Variants in DRGX observed in about 807,000 individuals in gnomAD.
DRGX encodes dorsal root ganglia homeobox.
DRGX carries 21 observed loss-of-function variants against 28.6 expected under a neutral mutation model. The observed-to-expected ratio is 0.73, with a 90% CI of 0.52 to 1.06. The LOEUF (loss-of-function observed/expected upper bound fraction) is 1.06, where lower values mean the gene tolerates loss of function less well. DRGX is among the 50% of genes least tolerant of loss of function. The pLI is 0.00. For missense variants in DRGX, 354 were observed against 343.9 expected (o/e 1.03, Z -0.23); for synonymous variants, 136 against 139.1 (o/e 0.98, Z 0.16).
rs561177476 is a variant in DRGX, at chr10:49,366,460, G to A, written c.527-79C>T. ...GGCTGGGTGACAGGAAACGATCTGA[G>A]TTCTGAAGGACAGAAAGATTGATTC... is the stretch of plus-strand genomic sequence containing the variant. On this transcript the variant is annotated intron_variant, in intron 6 of 6. Coordinates refer to ENST00000374139, the MANE Select transcript of DRGX (RefSeq NM_001276451.2). The A allele has an allele frequency of 6.0e-6, 9 of 1,510,942 alleles. No homozygotes were observed. The South Asian group carries it at 9.3e-5, about 16-fold the overall frequency. The allele number at this position is 1,510,942 out of a possible 1,614,324, so 93.6% of individuals were successfully genotyped here.
At position 49,386,817 on chromosome 10, in the gene DRGX, C is replaced by T. The variant is rs560700316; in HGVS notation, c.276G>A (p.Glu92=). ...QNRRAKWRKT[E]RGASDQEPGA... is the part of the protein sequence containing the mutation. The stretch of plus-strand genomic sequence containing the variant: ...CTGGCTCCTGGTCTGAGGCCCCTCT[C>T]TCTGTCTTCCTCCATTTGGCCCTTC... Residue 92 remains glutamate, a synonymous_variant, in exon 5 of 7, where the codon GAG becomes GAA. Transcript: ENST00000374139. The T allele has an allele frequency of 1.9e-6, 3 of 1,590,764 alleles. No individual in the cohort carries two copies. The highest frequency in any genetic ancestry group is 2.3e-5 in the South Asian group (2 of 86,914).
Position 49,364,603 on chromosome 10 carries a change from C to T in DRGX, c.*1513G>A, listed in dbSNP as rs770958501. The T allele has an allele frequency of 1.3e-5, 2 of 152,142 alleles. No individual in the cohort carries two copies. Among genetic ancestry groups the T allele is most frequent in the Admixed American group, 6.5e-5 (1 of 15,284 alleles). The allele number at this position is 152,142 out of a possible 1,614,324, so 9.4% of individuals were successfully genotyped here. On this transcript the variant is annotated 3_prime_UTR_variant, in exon 7 of 7. Transcript: ENST00000374139. The stretch of plus-strand genomic sequence containing the variant: ...TACAGGGAAACGGAAGCAACTTTGC[C>T]GCTTTTTGGCAAATCGTTTCATCTT...
At chr10:49,373,559 G>A (rs1185098102) in intron 6 of DRGX, among the ~76,000 whole-genome samples, 2 of 152,130 alleles carry the variant, frequency 1.3e-5, no homozygotes, top group African/African-American at 4.8e-5. Flanking sequence ...AGGGACTAAT[G>A]TCCTTACGTA....
At chr10:49,386,311 C>G (rs553577945) in intron 6 of DRGX, among the ~76,000 whole-genome samples, 167 bp downstream of exon 6, 1 of 152,284 alleles carries the variant, frequency 6.6e-6, no homozygotes, top group East Asian at 1.9e-4. Context: ...AGGAAGCAAT[C>G]AAGATAGCAC....
At position 49,365,153 on chromosome 10, in the gene DRGX, A is replaced by G. The variant is rs1458861557; in HGVS notation, c.*963T>C. On this transcript the variant is annotated 3_prime_UTR_variant, in exon 7 of 7. Coordinates refer to ENST00000374139, the MANE Select transcript of DRGX (RefSeq NM_001276451.2). ...CTTTCCTACTTTTTTTTCCCCAGTA[A>G]AAAACCACCACCACTGAAGAGCCCC... is the stretch of plus-strand genomic sequence containing the variant. 6.6e-6 allele frequency: 1 copy of G among 152,220 alleles called. No individual in the cohort carries two copies. The highest frequency in any genetic ancestry group is 2.4e-5 in the African/African-American group (1 of 41,418). 9.4% of individuals were successfully genotyped at this position (152,220 alleles called of 1,614,324 possible). A position where few individuals can be genotyped will look rare whatever the true frequency, so the allele number is the denominator to read the frequency against.
chr10:49,367,168 C>T (rs1256426231), intron 6 of DRGX, among the ~76,000 whole-genome samples: 1 of 152,090 alleles, frequency 6.6e-6, no homozygotes, highest in East Asian at 1.9e-4. Flanking sequence ...CCAGCATGGG[C>T]AACATAGTGA....
At chr10:49,387,925 C>A (rs2132483942) in intron 4 of DRGX, among the ~76,000 whole-genome samples, 1 of 152,234 alleles carries the variant, frequency 6.6e-6, no homozygotes, top group Middle Eastern at 3.4e-3. Flanking sequence ...AACTGTGATT[C>A]AAACTGTTTG....
intron 2 of DRGX, among the ~76,000 whole-genome samples, chr10:49,393,142 C>T (rs34514600): frequency 1.4e-4 from 21 of 151,716 alleles, no homozygotes; most frequent in African/African-American, 1.9e-4. Context: ...TGAAAACAAC[C>T]AAAATGCCCA....
intron 6 of DRGX, among the ~76,000 whole-genome samples, chr10:49,383,102 T>A (rs1849795407): frequency 1.3e-5 from 2 of 151,778 alleles, no homozygotes; most frequent in African/African-American, 4.8e-5. Context: ...TCAGAAGACC[T>A]CACTTCCAGA....
intron 6 of DRGX, among the ~76,000 whole-genome samples, 177 bp downstream of exon 6, chr10:49,386,301 A>C (rs1849833249): frequency 6.6e-6 from 1 of 152,192 alleles, no homozygotes; most frequent in Admixed American, 6.5e-5. Context: ...GGACGCATGT[A>C]GGAAGCAATC....
chr10:49,373,403 G>A lies in DRGX; in HGVS notation c.527-7022C>T, dbSNP rs760794503. On this transcript the variant is annotated intron_variant, in intron 6 of 6. Coordinates refer to ENST00000374139, the MANE Select transcript of DRGX (RefSeq NM_001276451.2). ...TGAATACATTTTGGAATATATATGCGTGTGTATAAAACATACACATGCGAT... is the reference window on the plus strand; with the variant it reads ...TGAATACATTTTGGAATATATATGCATGTGTATAAAACATACACATGCGAT... 4.6e-5 allele frequency among the ~76,000 whole-genome samples: 7 copies of A among 152,262 alleles called. No individual in the cohort carries two copies. The East Asian group carries it at 9.6e-4, about 21-fold the overall frequency.
chr10:49,391,454 C>T (rs965992661), intron 2 of DRGX, among the ~76,000 whole-genome samples, 193 bp from the exon 3 acceptor site: 5 of 152,138 alleles, frequency 3.3e-5, no homozygotes, highest in Non-Finnish European at 7.3e-5. Flanking sequence ...ACTTTAAATC[C>T]AGGTATCCCT....
rs574253603 is a variant in DRGX at position 49,365,388 on chromosome 10, A to G, written c.*728T>C. 21 of 152,330 alleles carry G rather than the reference A, an allele frequency of 1.4e-4. No homozygotes were observed. The highest frequency in any genetic ancestry group is 5.1e-4 in the African/African-American group (21 of 41,534). The allele number at this position is 152,330 out of a possible 1,614,324, so 9.4% of individuals were successfully genotyped here. A position where few individuals can be genotyped will look rare whatever the true frequency, so the allele number is the denominator to read the frequency against. The stretch of plus-strand genomic sequence containing the variant: ...GGTGAGTGCTTCAGGTACAGGGGCC[A>G]CACTAGTTCCACACCCACAGTGTCA... On this transcript the variant is annotated 3_prime_UTR_variant, in exon 7 of 7. Transcript: ENST00000374139.
intron 2 of DRGX, chr10:49,391,783 T>C (rs1849908220): frequency 2.0e-6 from 1 of 493,332 alleles, no homozygotes; most frequent in African/African-American, 2.0e-5. Flanking sequence ...CACTTTTCTC[T>C]TATAAGTGCA....
Position 49,390,189 on chromosome 10 carries a change from C to T in DRGX, c.178G>A (p.Val60Ile). The change falls in exon 4 of 7, where the codon GTC becomes ATC. Residue 60 changes from valine (V) to isoleucine (I), a missense_variant. Transcript: ENST00000374139. ...AVFAQTHYPDVFTREELAMKI... is the reference protein window; with the variant it reads ...AVFAQTHYPDIFTREELAMKI... ...ATGGCGAGCTCTTCTCTGGTGAAGA[C>T]ATCTGGATAGTGTGTTTGGGCAAAA... 2 of 1,613,262 alleles carry T rather than the reference C, an allele frequency of 1.2e-6. No individual in the cohort carries two copies. The highest frequency in any genetic ancestry group is 8.5e-7 in the Non-Finnish European group (1 of 1,179,640).
Position 49,366,279 on chromosome 10 carries a change from C to A in DRGX, c.629G>T (p.Arg210Leu). Residue 210 changes from arginine to leucine, a missense_variant, in exon 7 of 7, where the codon CGC (arginine) becomes CTC (leucine). Coordinates refer to ENST00000374139, the MANE Select transcript of DRGX (RefSeq NM_001276451.2). ...SNRTASVATL[R>L]MKAREHSEAV... ...TTCTGAGTGCTCGCGGGCCTTCATG[C>A]GCAGGGTGGCCACGCTGGCCGTGCG... is the stretch of plus-strand genomic sequence containing the variant. 1.9e-6 allele frequency: 3 copies of A among 1,613,898 alleles called. No homozygotes were observed. Among genetic ancestry groups the A allele is most frequent in the Non-Finnish European group, 2.5e-6 (3 of 1,179,868 alleles).
intron 6 of DRGX, among the ~76,000 whole-genome samples, chr10:49,381,794 T>C (rs1849779584): frequency 6.6e-6 from 1 of 152,178 alleles, no homozygotes; most frequent in Non-Finnish European, 1.5e-5. Context: ...CCAGGGGGTA[T>C]CTAGGGCTGG....
At chr10:49,374,508 G>C (rs775391336) in intron 6 of DRGX, among the ~76,000 whole-genome samples, 19 of 152,108 alleles carry the variant, frequency 1.2e-4, no homozygotes, top group Admixed American at 2.0e-4. Flanking sequence ...AGAGCCCTCT[G>C]GTCCTTAAAT....
At chr10:49,384,014 T>C (rs924966404) in intron 6 of DRGX, among the ~76,000 whole-genome samples, 1 of 152,238 alleles carries the variant, frequency 6.6e-6, no homozygotes, top group Non-Finnish European at 1.5e-5. Context: ...GCAGCCACAA[T>C]CAGCTGGCTG....
Sources: gnomAD v4.1 joint callset for allele counts (sites outside exome capture counted in the v4.1 genomes callset) on GRCh38, gnomAD v4.1.1 for gene constraint, MANE v1.5 for transcripts, NCBI Gene and HGNC (gene_info 2026-07-23, HGNC 2026-07-21) for gene names.